The following NPEPPS variants were observed in gnomAD, a reference collection of about 807,000 sequenced individuals.
The protein encoded by NPEPPS is aminopeptidase puromycin sensitive.
A neutral mutation model predicts 115.5 loss-of-function variants in NPEPPS; 14 were observed. The ratio of observed to expected loss-of-function variants is 0.12; its 90% CI spans 0.08 to 0.19. The LOEUF (loss-of-function observed/expected upper bound fraction) is 0.19, where lower values mean the gene tolerates loss of function less well. NPEPPS is among the 10% of genes least tolerant of loss of function. NPEPPS has a pLI of 1.00. For missense variants in NPEPPS, 523 were observed against 1,110.8 expected (o/e 0.47, Z 7.52); for synonymous variants, 285 against 390.6 (o/e 0.73, Z 3.19).
intron 19 of NPEPPS, among the ~76,000 whole-genome samples, chr17:47,616,103 C>T (rs893552233): frequency 6.6e-6 from 1 of 152,056 alleles, no homozygotes. Context: ...CTGAAAAGGG[C>T]CTTAGAAATT....
chr17:47,556,864 C>G (rs796813632), intron 2 of NPEPPS, among the ~76,000 whole-genome samples: 1 of 152,070 alleles, frequency 6.6e-6, no homozygotes, highest in Non-Finnish European at 1.5e-5. Context: ...GGCTGGTCTC[C>G]AACTCCTGAC....
chr17:47,568,459 C>T (rs1009431930), intron 2 of NPEPPS, among the ~76,000 whole-genome samples: 1 of 152,084 alleles, frequency 6.6e-6, no homozygotes, highest in African/African-American at 2.4e-5. Context: ...GTATGAGCCA[C>T]CGTGTCCGGC....
chr17:47,619,750 G>T lies in NPEPPS; in HGVS notation c.2573G>T (p.Gly858Val). 6.2e-7 allele frequency: 1 copy of T among 1,613,684 alleles called. No homozygotes were observed. The highest frequency in any genetic ancestry group is 8.5e-7 in the Non-Finnish European group (1 of 1,179,648). ...ISRLIKLSVE[G>V]FAVDKMAGEV... The stretch of plus-strand genomic sequence containing the variant: ...ATTGTTTTGCAGCTATCAGTTGAGG[G>T]ATTTGCAGTTGATAAAATGGCTGGA... The change falls in exon 22 of 23, where the codon GGA becomes GTA. Residue 858 changes from glycine (G) to valine (V), a missense_variant. By Grantham distance (109) the Gly-to-Val change is moderately radical. Coordinates refer to ENST00000322157, the MANE Select transcript of NPEPPS (RefSeq NM_006310.4).
At chr17:47,608,991 CACTT>C (rs1337110071) in intron 17 of NPEPPS, among the ~76,000 whole-genome samples, 1 of 152,118 alleles carries the variant, frequency 6.6e-6, no homozygotes, top group Non-Finnish European at 1.5e-5. Flanking sequence ...GGAGACAACA[CACTT>C]AGACAACTTT....
upstream of NPEPPS, among the ~76,000 whole-genome samples, chr17:47,526,153 A>C (rs1597798146): frequency 1.3e-5 from 2 of 152,348 alleles, no homozygotes; most frequent in South Asian, 4.1e-4. Flanking sequence ...CGGAGGTTGC[A>C]GTGAGCTGAG....
Position 47,615,377 on chromosome 17 carries a change from GCTTT to G in NPEPPS, c.2295+1655_2295+1658del, listed in dbSNP as rs1218373998. ...AGGCATGAGCCACCATGTCTGGCCT[GCTTT>G]CTAAGAATATAAAAGTTATATTTGG... On this transcript the variant is annotated intron_variant, in intron 19 of 22. Coordinates refer to ENST00000322157, the MANE Select transcript of NPEPPS (RefSeq NM_006310.4). 3.9e-5 allele frequency among the ~76,000 whole-genome samples: 6 copies of G among 152,188 alleles called. No individual in the cohort carries two copies. In the South Asian group the frequency reaches 1.2e-3, roughly 32 times the overall value.
At position 47,622,959 on chromosome 17, in the gene NPEPPS, T is replaced by C. The variant is rs901229846; in HGVS notation, c.*1039T>C. 1.5e-5 allele frequency: 7 copies of C among 455,832 alleles called. No individual in the cohort carries two copies. In the East Asian group the frequency reaches 4.9e-4, roughly 32 times the overall value. The allele number at this position is 455,832 out of a possible 1,614,324, so 28.2% of individuals were successfully genotyped here. ...CAGGGCTTAATACATTAGTGGTAACTGGTTTAAAAAACAAAGACTGTAAGC... is the reference window on the plus strand; with the variant it reads ...CAGGGCTTAATACATTAGTGGTAACCGGTTTAAAAAACAAAGACTGTAAGC... On this transcript the variant is annotated 3_prime_UTR_variant, in exon 23 of 23. Coordinates refer to ENST00000322157, the MANE Select transcript of NPEPPS (RefSeq NM_006310.4).
At chr17:47,542,541 C>T (rs1479430845) in intron 1 of NPEPPS, among the ~76,000 whole-genome samples, 1 of 131,708 alleles carries the variant, frequency 7.6e-6, no homozygotes, top group African/African-American at 2.8e-5. Flanking sequence ...AGCGAAGCTC[C>T]GTCTCAAAAA....
intron 4 of NPEPPS, chr17:47,580,351 C>T (rs1911798451): frequency 6.6e-6 from 1 of 152,090 alleles, no homozygotes; most frequent in Non-Finnish European, 1.5e-5. Context: ...CCTTTCTCTA[C>T]CCACTTTGAA....
intron 2 of NPEPPS, among the ~76,000 whole-genome samples, chr17:47,567,749 AGATT>A (rs1349455548): frequency 6.6e-6 from 1 of 152,114 alleles, no homozygotes; most frequent in African/African-American, 2.4e-5. Flanking sequence ...CAGCCTCCAT[AGATT>A]GCCCTGTTAT....
intron 13 of NPEPPS, among the ~76,000 whole-genome samples, chr17:47,599,151 A>G (rs149916186): frequency 1.6e-3 from 249 of 152,274 alleles, no homozygotes; most frequent in African/African-American, 5.6e-3. Flanking sequence ...TTCTGAATCA[A>G]TGTAAAAGGT....
intron 19 of NPEPPS, among the ~76,000 whole-genome samples, chr17:47,615,130 T>TGTA (rs1380495042): frequency 1.4e-5 from 2 of 142,232 alleles, no homozygotes; most frequent in Non-Finnish European, 3.0e-5. Context: ...CAGGCTGGAG[T>TGTA]GTAGTGGCAC....
intron 3 of NPEPPS, among the ~76,000 whole-genome samples, chr17:47,575,102 A>G (rs1194571091): frequency 6.6e-6 from 1 of 152,242 alleles, no homozygotes; most frequent in Non-Finnish European, 1.5e-5. Context: ...TTTCAAAAAC[A>G]TAGTACATTT....
At chr17:47,616,784 CA>C (rs567081295) in intron 19 of NPEPPS, among the ~76,000 whole-genome samples, 7,405 of 85,460 alleles carry the variant, frequency 0.087, 295 homozygotes, top group African/African-American at 0.17. Context: ...GACTCCATCT[CA>C]AAAAAAAAAA....
rs560783316 is a variant in NPEPPS at position 47,613,985 on chromosome 17, T to A, written c.2295+260T>A. Among the ~76,000 whole-genome samples the A allele has an allele frequency of 1.0e-3, 152 of 152,194 alleles. 1 individual carries two copies. Among genetic ancestry groups the A allele is most frequent in the Non-Finnish European group, 1.6e-3 (109 of 68,012 alleles). On this transcript the variant is annotated intron_variant, in intron 19 of 22. Coordinates refer to ENST00000322157, the MANE Select transcript of NPEPPS (RefSeq NM_006310.4). ...CATCTGAAATCTTATTATTATTTTTTTTTTTTTTGAGACAAGGTCTCACTC... is the reference window on the plus strand; with the variant it reads ...CATCTGAAATCTTATTATTATTTTTATTTTTTTTGAGACAAGGTCTCACTC...
At chr17:47,555,589 T>C (rs2661209) in intron 2 of NPEPPS, among the ~76,000 whole-genome samples, 65,200 of 147,762 alleles carry the variant, frequency 0.44, 15,431 homozygotes, top group East Asian at 0.54. Context: ...ACAGGTGATC[T>C]GCCTGCCTCA....
At chr17:47,535,364 A>G (rs1908149060) in intron 1 of NPEPPS, among the ~76,000 whole-genome samples, 1 of 149,126 alleles carries the variant, frequency 6.7e-6, no homozygotes, top group Admixed American at 6.7e-5. Flanking sequence ...ATCCTGGCTA[A>G]CCCAGTGAAA....
rs544255064 is a variant in NPEPPS at position 47,611,407 on chromosome 17, TGA to T, written c.2096-1050_2096-1049del. On this transcript the variant is annotated intron_variant, in intron 17 of 22. Coordinates refer to ENST00000322157, the MANE Select transcript of NPEPPS (RefSeq NM_006310.4). ...CTGGGAGGTGGAGGCTGCAGTGAGC[TGA>T]GATCATGCCACTGTACTCCAGCTTG... 1.0e-4 allele frequency among the ~76,000 whole-genome samples: 15 copies of T among 148,210 alleles called. No homozygotes were observed. In the South Asian group the frequency reaches 3.0e-3, roughly 29 times the overall value.
intron 2 of NPEPPS, among the ~76,000 whole-genome samples, chr17:47,559,962 G>A (rs1347191885): frequency 1.3e-5 from 2 of 152,110 alleles, no homozygotes; most frequent in African/African-American, 2.4e-5. Context: ...GGGGCCTATA[G>A]CCTCAGCTTC....
Sources: allele counts gnomAD v4.1 joint callset (sites outside exome capture counted in the v4.1 genomes callset), GRCh38; gene constraint gnomAD v4.1.1; transcripts MANE v1.5; gene names NCBI Gene and HGNC (gene_info 2026-07-23, HGNC 2026-07-21).